The following AGO2 variants were observed in gnomAD, a reference collection of about 807,000 sequenced individuals.
The protein encoded by AGO2 is protein argonaute-2.
In AGO2, 5 loss-of-function variants were observed where a neutral mutation model predicts 102.3. That is an observed-to-expected ratio of 0.05 (90% confidence interval 0.03 to 0.10). AGO2 has a LOEUF of 0.10. Ranked by LOEUF, AGO2 falls within the 10% of genes least tolerant of loss-of-function variation. AGO2 has a pLI of 1.00. For missense variants in AGO2, 541 were observed against 1,183.7 expected (o/e 0.46, Z 7.97); for synonymous variants, 449 against 473.1 (o/e 0.95, Z 0.66).
the AGO2 span, among the ~76,000 whole-genome samples, chr8:140,642,060 GAAAA>G: frequency 1.4e-5 from 2 of 147,956 alleles, no homozygotes; most frequent in African/African-American, 4.9e-5. Context: ...AAAGAAAAAG[GAAAA>G]AAAAAGAAAG....
In AGO2 at chr8:140,551,455, T is replaced by A. The variant is rs1428803478; in HGVS notation, c.1270-19A>T. 2.0e-6 allele frequency: 3 copies of A among 1,519,674 alleles called. No individual in the cohort carries two copies. Among genetic ancestry groups the A allele is most frequent in the South Asian group, 1.2e-5 (1 of 81,484 alleles). The allele number at this position is 1,519,674 out of a possible 1,614,324, so 94.1% of individuals were successfully genotyped here. ...CTTTATTCTGCAAATGGCAAAAGGT[T>A]CAGGGTGAGAAAAAAATGGAAAACA... On this transcript the variant is annotated intron_variant, in intron 10 of 18. Transcript: ENST00000220592.
Position 140,597,465 on chromosome 8 carries a change from G to GCCCC in AGO2, c.23-12155_23-12154insGGGG, listed in dbSNP as rs1564108147. ...CCACGGACACCGATGGGGGCTGGGT[G>GCCCC]GCCCCCCCACCCCCCCCCCCCCGCC... On this transcript the variant is annotated intron_variant, in intron 1 of 18. Transcript: ENST00000220592. 1.1e-4 allele frequency among the ~76,000 whole-genome samples: 9 copies of GCCCC among 79,286 alleles called. 1 individual carries two copies. Among genetic ancestry groups the GCCCC allele is most frequent in the African/African-American group, 3.9e-4 (8 of 20,404 alleles). 52.0% of individuals were successfully genotyped at this position (79,286 alleles called of 152,430 possible).
chr8:140,543,031 G>A (rs1021149591), intron 14 of AGO2, among the ~76,000 whole-genome samples: 29 of 152,144 alleles, frequency 1.9e-4, no homozygotes, highest in African/African-American at 6.8e-4. Context: ...CAGCTACTCG[G>A]GAGGCTGAGG....
In AGO2 at chr8:140,557,428, T is replaced by C. The variant is rs1184594599; in HGVS notation, c.879-192A>G. Among the ~76,000 whole-genome samples, 1 of 152,210 alleles carries C rather than the reference T, an allele frequency of 6.6e-6. No homozygotes were observed. Among genetic ancestry groups the C allele is most frequent in the Non-Finnish European group, 1.5e-5 (1 of 68,040 alleles). ...TGAGCCCCTAAATTCTCATTTTGTT[T>C]CTGGAGTTGGGAAACAAAAAATACC... On this transcript the variant is annotated intron_variant, in intron 7 of 18. Transcript: ENST00000220592. The surrounding 1 kb of genome is among the most constrained non-coding windows in gnomAD (Gnocchi z 5.9).
At chr8:140,599,790 C>T (rs371676213) in intron 1 of AGO2, among the ~76,000 whole-genome samples, 3 of 152,296 alleles carry the variant, frequency 2.0e-5, no homozygotes, top group South Asian at 2.1e-4. Flanking sequence ...GGCGCAATCT[C>T]GGCTCACTGC....
intron 18 of AGO2, 124 bp from the exon 19 acceptor site, chr8:140,532,276 C>T (rs984212808): frequency 4.1e-5 from 56 of 1,370,034 alleles, no homozygotes; most frequent in Middle Eastern, 2.5e-4. Context: ...CCCACGCTGA[C>T]GGCCGTGCCA....
chr8:140,584,375 G>A (rs969179046), intron 2 of AGO2, among the ~76,000 whole-genome samples: 2 of 152,118 alleles, frequency 1.3e-5, no homozygotes, highest in South Asian at 2.1e-4. Context: ...AACACTCAGC[G>A]GAGCTGACGG....
chr8:140,589,849 G>C lies in AGO2; in HGVS notation c.23-4538C>G, dbSNP rs2073721196. 6.6e-6 allele frequency among the ~76,000 whole-genome samples: 1 copy of C among 152,070 alleles called. No homozygotes were observed. Among genetic ancestry groups the C allele is most frequent in the South Asian group, 2.1e-4 (1 of 4,814 alleles). Reference sequence around the variant, plus strand: ...GATGGCTCAGTGAGTACAGACCAGAGAGTAGATGCTATCAAGCTGTACTCT... The same window carrying C: ...GATGGCTCAGTGAGTACAGACCAGACAGTAGATGCTATCAAGCTGTACTCT... On this transcript the variant is annotated intron_variant, in intron 1 of 18. Coordinates refer to ENST00000220592, the MANE Select transcript of AGO2 (RefSeq NM_012154.5). This position sits in a 1 kb window ranked among gnomAD's most constrained non-coding sequence, Gnocchi z 4.2.
At chr8:140,552,860 T>C (rs963797235) in intron 10 of AGO2, among the ~76,000 whole-genome samples, 7 of 152,198 alleles carry the variant, frequency 4.6e-5, no homozygotes, top group South Asian at 2.1e-4. Context: ...CTGTGCCCTG[T>C]AGGCGATCCC....
rs1192446330 is a variant in AGO2 at position 140,542,587 on chromosome 8, A to T, written c.1840-1229T>A. 2.0e-5 allele frequency among the ~76,000 whole-genome samples: 3 copies of T among 152,106 alleles called. No homozygotes were observed. The East Asian group carries it at 5.8e-4, about 29-fold the overall frequency. ...CCTGAAAACTTGAAAAAAAAAAAAA[A>T]AACCAGCCTAAGGCTCCAAAAGCCC... On this transcript the variant is annotated intron_variant, in intron 14 of 18. Transcript: ENST00000220592.
intron 3 of AGO2, among the ~76,000 whole-genome samples, chr8:140,564,600 T>C (rs1302798796): frequency 6.6e-6 from 1 of 152,230 alleles, no homozygotes; most frequent in Non-Finnish European, 1.5e-5. Context: ...ATATTTTCTT[T>C]ACCTTATGAT....
chr8:140,537,597 T>C (rs1427165078), intron 16 of AGO2, among the ~76,000 whole-genome samples: 1 of 143,914 alleles, frequency 6.9e-6, no homozygotes, highest in Non-Finnish European at 1.6e-5. Flanking sequence ...TCACTACGCC[T>C]GGCCCCAATT....
At chr8:140,556,436 T>C in intron 8 of AGO2, 150 bp from the exon 9 acceptor site, 2 of 997,722 alleles carry the variant, frequency 2.0e-6, no homozygotes, top group Admixed American at 5.5e-5. Flanking sequence ...GTGTCTGCTG[T>C]GGGGGCTGCT....
At chr8:140,548,433 T>C (rs1206930639) in intron 12 of AGO2, among the ~76,000 whole-genome samples, 1 of 151,982 alleles carries the variant, frequency 6.6e-6, no homozygotes, top group East Asian at 1.9e-4. Flanking sequence ...TCCAAATCCT[T>C]GGCAGATGTA....
intron 10 of AGO2, among the ~76,000 whole-genome samples, chr8:140,553,404 GTT>G (rs1386366277): frequency 6.9e-5 from 7 of 101,704 alleles, no homozygotes; most frequent in African/African-American, 2.9e-4. Context: ...CAAGTTTTTT[GTT>G]TTTTGTTTTT....
chr8:140,627,686 T>C (rs947234715), intron 1 of AGO2, among the ~76,000 whole-genome samples: 2 of 152,188 alleles, frequency 1.3e-5, no homozygotes, highest in Non-Finnish European at 2.9e-5. Flanking sequence ...TATTGGCCGA[T>C]TTGCATTGCA....
At chr8:140,570,635 C>T (rs1169355099) in intron 3 of AGO2, among the ~76,000 whole-genome samples, 2 of 152,210 alleles carry the variant, frequency 1.3e-5, no homozygotes, top group South Asian at 4.1e-4. Context: ...GACCGTGGGG[C>T]ACAGGCACCG....
chr8:140,611,687 C>G (rs2074080699), intron 1 of AGO2, among the ~76,000 whole-genome samples: 1 of 151,986 alleles, frequency 6.6e-6, no homozygotes, highest in Non-Finnish European at 1.5e-5. Flanking sequence ...GTGCACATAC[C>G]CACATACCCC....
Position 140,554,136 on chromosome 8 carries a change from G to A in AGO2, c.1269+1760C>T, listed in dbSNP as rs1367084088. ...GAACAGAAGCCAGCAGGGCTGTGAA[G>A]CGGTGCTGGGTTCAAAAGCCCCATC... On this transcript the variant is annotated intron_variant, in intron 10 of 18. Transcript: ENST00000220592. Among the ~76,000 whole-genome samples the A allele has an allele frequency of 2.0e-5, 3 of 152,256 alleles. No individual in the cohort carries two copies. The East Asian group carries it at 5.8e-4, about 29-fold the overall frequency.
Sources: gnomAD v4.1 joint callset for allele counts (sites outside exome capture counted in the v4.1 genomes callset) on GRCh38, gnomAD v4.1.1 for gene constraint, Gnocchi (gnomAD v3.1) non-coding constraint, MANE v1.5 for transcripts, NCBI Gene and HGNC (gene_info 2026-07-23, HGNC 2026-07-21) for gene names.